The following KCNJ6 variants were observed in gnomAD, a reference collection of about 807,000 sequenced individuals.
KCNJ6 encodes potassium inwardly rectifying channel subfamily J member 6.
In KCNJ6, 9 loss-of-function variants were observed where a neutral mutation model predicts 34.2. That is an observed-to-expected ratio of 0.26 (90% CI 0.16 to 0.46). The LOEUF (loss-of-function observed/expected upper bound fraction) is 0.46, where lower values mean the gene tolerates loss of function less well. Among genes scored for constraint, KCNJ6 ranks in the 20% least tolerant of loss-of-function variants. The probability of loss-of-function intolerance (pLI) is 1.00; values close to 1 mark genes in which losing one functional copy is unlikely to be tolerated. For synonymous variants in KCNJ6, 196 were observed against 207.1 expected, an observed-to-expected ratio of 0.95 and a Z score of 0.46; for missense variants, 236 against 531.3, an observed-to-expected ratio of 0.44 and a Z score of 5.46.
intron 2 of KCNJ6, among the ~76,000 whole-genome samples, chr21:37,718,675 G>A (rs1234492587): frequency 6.6e-6 from 1 of 152,034 alleles, no homozygotes; most frequent in Non-Finnish European, 1.5e-5. Context: ...AGGGGGTGGG[G>A]GATTGGGGGA....
chr21:37,678,733 C>T (rs1302039295), intron 3 of KCNJ6, among the ~76,000 whole-genome samples: 1 of 152,160 alleles, frequency 6.6e-6, no homozygotes, highest in Non-Finnish European at 1.5e-5. Context: ...GAAAAGACTA[C>T]AGAGCTTTGT....
intron 3 of KCNJ6, among the ~76,000 whole-genome samples, chr21:37,654,334 C>T (rs979612880): frequency 2.6e-5 from 4 of 151,836 alleles, no homozygotes; most frequent in Admixed American, 6.6e-5. Flanking sequence ...CAAATGGAAG[C>T]GTCTGTCAGC....
chr21:37,861,147 C>T (rs1262784743), intron 1 of KCNJ6, among the ~76,000 whole-genome samples: 1 of 152,216 alleles, frequency 6.6e-6, no homozygotes, highest in East Asian at 1.9e-4. Context: ...TATTGCCCGA[C>T]TCCCTACCCT....
chr21:37,709,514 C>CA (rs768933487), intron 3 of KCNJ6, among the ~76,000 whole-genome samples: 19 of 96,028 alleles, frequency 2.0e-4, no homozygotes, highest in South Asian at 1.4e-3. Flanking sequence ...AACCCTGTCT[C>CA]AAAAAAAAGA....
chr21:37,691,841 A>G (rs2054641289), intron 3 of KCNJ6, among the ~76,000 whole-genome samples: 2 of 152,182 alleles, frequency 1.3e-5, no homozygotes, highest in Admixed American at 1.3e-4. Context: ...TAAGTTAAAT[A>G]GTGACAGGGA....
intron 1 of KCNJ6, among the ~76,000 whole-genome samples, chr21:37,873,171 C>T (rs761699499): frequency 2.6e-5 from 4 of 152,178 alleles, no homozygotes; most frequent in African/African-American, 4.8e-5. Flanking sequence ...TTGCCAGGCT[C>T]ACCCAGCACA....
In KCNJ6 at chr21:37,687,641, GT is replaced by G. The variant is rs2054621588; in HGVS notation, c.946+26569del. ...GCCTCTTGTTGCTCTCAATGTGCCT[GT>G]TTTATAGCAAATCCATCTCCTCCCT... On this transcript the variant is annotated intron_variant, in intron 3 of 3. Coordinates refer to ENST00000609713, the MANE Select transcript of KCNJ6 (RefSeq NM_002240.5). 4.6e-5 allele frequency among the ~76,000 whole-genome samples: 7 copies of G among 152,252 alleles called. No individual in the cohort carries two copies. In the South Asian group the frequency reaches 1.2e-3, roughly 27 times the overall value.
rs564029958 is a variant in KCNJ6 at position 37,691,357 on chromosome 21, T to TG, written c.946+22853dup. Among the ~76,000 whole-genome samples, 46 of 152,252 alleles carry TG rather than the reference T, an allele frequency of 3.0e-4. 1 individual carries two copies. The highest frequency in any genetic ancestry group is 1.0e-3 in the African/African-American group (42 of 41,558). On this transcript the variant is annotated intron_variant, in intron 3 of 3. Transcript: ENST00000609713. ...GAGACATCTCCCTCCCCTCCCTTAT[T>TG]GGGGGCTGTGATGCTCCCAAATCTT... is the stretch of plus-strand genomic sequence containing the variant.
intron 3 of KCNJ6, among the ~76,000 whole-genome samples, chr21:37,656,498 CACATGTGGT>C (rs2054464828): frequency 6.6e-6 from 1 of 152,302 alleles, no homozygotes; most frequent in Admixed American, 6.5e-5. Flanking sequence ...CACCCAGGCT[CACATGTGGT>C]ACTCTAACCT....
intron 2 of KCNJ6, among the ~76,000 whole-genome samples, chr21:37,760,267 A>T (rs780827563): frequency 3.3e-5 from 5 of 152,188 alleles, no homozygotes; most frequent in Admixed American, 6.5e-5. Flanking sequence ...GCAATGGAGG[A>T]TTAATATAAA....
chr21:37,763,432 C>T (rs1272395924), intron 2 of KCNJ6, among the ~76,000 whole-genome samples: 1 of 152,218 alleles, frequency 6.6e-6, no homozygotes, highest in Non-Finnish European at 1.5e-5. Flanking sequence ...AGCCACAGAG[C>T]TCGGCCCTTC....
chr21:37,712,967 A>G (rs1044630093), intron 3 of KCNJ6, among the ~76,000 whole-genome samples: 2 of 151,956 alleles, frequency 1.3e-5, no homozygotes. Context: ...CTTTTGTTCT[A>G]TGGAAAGGAG....
At chr21:37,827,880 T>G (rs1406657683) in intron 2 of KCNJ6, among the ~76,000 whole-genome samples, 1 of 152,136 alleles carries the variant, frequency 6.6e-6, no homozygotes, top group Non-Finnish European at 1.5e-5. Flanking sequence ...CACATACCCA[T>G]TAGCTTTGTG....
intron 2 of KCNJ6, among the ~76,000 whole-genome samples, chr21:37,822,104 G>T: frequency 6.6e-6 from 1 of 152,212 alleles, no homozygotes; most frequent in East Asian, 1.9e-4. Flanking sequence ...GCAACCTGAA[G>T]CTACTATTCT....
chr21:37,860,416 C>T (rs2055588694), intron 1 of KCNJ6, among the ~76,000 whole-genome samples: 1 of 152,222 alleles, frequency 6.6e-6, no homozygotes, highest in Non-Finnish European at 1.5e-5. Flanking sequence ...CCAGGCAGGT[C>T]TCCCTGCTTT....
intron 3 of KCNJ6, among the ~76,000 whole-genome samples, chr21:37,672,845 C>T (rs139957327): frequency 2.0e-5 from 3 of 152,150 alleles, no homozygotes; most frequent in Non-Finnish European, 4.4e-5. Flanking sequence ...GTGGTACCAT[C>T]ACAGCTTACT....
chr21:37,705,274 C>A (rs1569448742), intron 3 of KCNJ6, among the ~76,000 whole-genome samples: 1 of 152,186 alleles, frequency 6.6e-6, no homozygotes, highest in Non-Finnish European at 1.5e-5. Flanking sequence ...GGGGAAGGGG[C>A]AGCCCTGAGA....
chr21:37,882,924 G>C (rs998275035), intron 1 of KCNJ6, among the ~76,000 whole-genome samples: 2 of 152,228 alleles, frequency 1.3e-5, no homozygotes, highest in African/African-American at 4.8e-5. Flanking sequence ...AAACAAGTGG[G>C]CATGCACATT....
intron 1 of KCNJ6, among the ~76,000 whole-genome samples, chr21:37,847,472 G>A (rs572673339): frequency 1.3e-5 from 2 of 152,218 alleles, no homozygotes; most frequent in Non-Finnish European, 2.9e-5. Flanking sequence ...GGCCGTTCAT[G>A]CTGAAGGCAG....
Sources: gnomAD v4.1 joint callset for allele counts (sites outside exome capture counted in the v4.1 genomes callset) on GRCh38, gnomAD v4.1.1 for gene constraint, MANE v1.5 for transcripts, NCBI Gene and HGNC (gene_info 2026-07-23, HGNC 2026-07-21) for gene names.